Variants in FOLH1 observed in about 807,000 individuals in gnomAD.
The protein encoded by FOLH1 is folate hydrolase 1, also known as glutamate carboxypeptidase 2.
FOLH1 carries 54 observed loss-of-function variants against 93.9 expected under a neutral mutation model. The ratio of observed to expected loss-of-function variants is 0.57; its 90% CI spans 0.46 to 0.72. FOLH1 has a LOEUF of 0.72. Among genes scored for constraint, FOLH1 ranks in the 30% least tolerant of loss-of-function variants. The pLI, the probability that FOLH1 is intolerant of heterozygous loss-of-function variation, is 0.00. For synonymous variants in FOLH1, 249 were observed against 303.6 expected, an observed-to-expected ratio of 0.82 and a Z score of 1.87; for missense variants, 571 against 892.5, an observed-to-expected ratio of 0.64 and a Z score of 4.59.
chr11:49,203,149 A>G (rs559299215), intron 2 of FOLH1, among the ~76,000 whole-genome samples: 14 of 152,010 alleles, frequency 9.2e-5, no homozygotes, highest in African/African-American at 3.4e-4. Flanking sequence ...TCAAATACAG[A>G]CCTATGTATT....
At chr11:49,157,873 A>G in intron 14 of FOLH1, 79 bp downstream of exon 14, 1 of 1,335,752 alleles carries the variant, frequency 7.5e-7, no homozygotes, top group Non-Finnish European at 1.0e-6. Context: ...TTTTTCACTT[A>G]ATGATTGAAA....
chr11:49,207,862 G>A (rs1864143235), intron 1 of FOLH1: 1 of 458,938 alleles, frequency 2.2e-6, no homozygotes, highest in South Asian at 1.5e-5. Context: ...TGTCCAGATT[G>A]CTGACCTGGT....
In FOLH1 at chr11:49,192,845, A is replaced by C; in HGVS notation, c.461T>G (p.Val154Gly). Residue 154 changes from valine (V) to glycine (G), a missense_variant, in exon 4 of 19, where the codon GTT becomes GGT. Val to Gly is a moderately radical substitution (Grantham distance 109). Coordinates refer to ENST00000256999, the MANE Select transcript of FOLH1 (RefSeq NM_004476.3). The stretch of plus-strand genomic sequence containing the variant: ...ACTGAAAGGTGGTACAATATCCGAA[A>C]CATTTTCATATCCTGGAGGAGGTGG... ...FEPPPPGYEN[V>G]SDIVPPFSAF... 1 of 1,608,014 alleles carries C rather than the reference A, an allele frequency of 6.2e-7. No homozygotes were observed. Among genetic ancestry groups the C allele is most frequent in the East Asian group, 2.2e-5 (1 of 44,572 alleles).
At chr11:49,164,463 T>C (rs1276637861) in intron 13 of FOLH1, among the ~76,000 whole-genome samples, 2 of 152,176 alleles carry the variant, frequency 1.3e-5, no homozygotes, top group Non-Finnish European at 2.9e-5. Flanking sequence ...GTTTCACTGT[T>C]TTAAGAATGG....
In FOLH1 at chr11:49,154,323, C is replaced by T. The variant is rs774991864; in HGVS notation, c.1793G>A (p.Arg598Gln). ...CTTTCTTAAAACTACAGCATAATCT[C>T]GACAATCAAAAGGGAGCACTATGGA... Reference protein sequence around the residue: ...ANSIVLPFDCRDYAVVLRKYA... With the variant: ...ANSIVLPFDCQDYAVVLRKYA... Residue 598 changes from arginine to glutamine, a missense_variant, in exon 16 of 19, where the codon CGA becomes CAA. Around this residue, in one of 2 missense-constraint regions of FOLH1, gnomAD observed 500 missense variants for 822.9 expected, o/e 0.61. Coordinates refer to ENST00000256999, the MANE Select transcript of FOLH1 (RefSeq NM_004476.3). 8.1e-6 allele frequency: 13 copies of T among 1,613,236 alleles called. No individual in the cohort carries two copies. Among genetic ancestry groups the T allele is most frequent in the African/African-American group, 2.7e-5 (2 of 74,848 alleles).
intron 15 of FOLH1, among the ~76,000 whole-genome samples, chr11:49,155,837 A>ATATATAG (rs1390925070): frequency 1.7e-4 from 7 of 41,304 alleles, no homozygotes; most frequent in Non-Finnish European, 3.4e-4. Flanking sequence ...TATATATATA[A>ATATATAG]TCAACAACAA....
chr11:49,169,733 C>T (rs1390654644), intron 11 of FOLH1, among the ~76,000 whole-genome samples: 2 of 152,258 alleles, frequency 1.3e-5, no homozygotes, highest in Admixed American at 1.3e-4. Flanking sequence ...CTTAAATCAT[C>T]TCCTGACCAG....
chr11:49,186,609 G>T, intron 5 of FOLH1, 35 bp downstream of exon 5: 1 of 1,590,500 alleles, frequency 6.3e-7, no homozygotes, highest in South Asian at 1.2e-5. Flanking sequence ...TTTTTACATT[G>T]GGGGAGAGAA....
rs149683151 is a variant in FOLH1 at position 49,154,806 on chromosome 11, A to T, written c.1624-314T>A. Among the ~76,000 whole-genome samples the T allele has an allele frequency of 9.5e-4, 145 of 152,274 alleles. 2 individuals are homozygous for T. The East Asian group carries it at 0.025, about 27-fold the overall frequency. On this transcript the variant is annotated intron_variant, in intron 15 of 18. Transcript: ENST00000256999. ...TCATGTTTTAAGAATCTGAAAAAAA[A>T]GACAAGACAATCTTGCATTTGGATA... is the stretch of plus-strand genomic sequence containing the variant.
Position 49,148,724 on chromosome 11 carries a change from C to T in FOLH1, c.1978G>A (p.Val660Ile). Residue 660 changes from valine (V) to isoleucine (I), a missense_variant, in exon 18 of 19, where the codon GTA becomes ATA. Physicochemically the swap from Val to Ile is conservative, Grantham distance 29. Around this residue, in one of 2 missense-constraint regions of FOLH1, gnomAD observed 500 missense variants for 822.9 expected, o/e 0.61. Coordinates refer to ENST00000256999, the MANE Select transcript of FOLH1 (RefSeq NM_004476.3). The part of the protein sequence containing the change: ...LQDFDKSNPI[V>I]LRMMNDQLMF... The stretch of plus-strand genomic sequence containing the variant: ...AGTTGATCATTCATCATTCTTAATA[C>T]TATTGGGCTGAGAAAGAAAATGAAT... 6.3e-7 allele frequency: 1 copy of T among 1,583,802 alleles called. No individual in the cohort carries two copies. Among genetic ancestry groups the T allele is most frequent in the Non-Finnish European group, 8.6e-7 (1 of 1,168,254 alleles).
chr11:49,153,433 C>T (rs1173966055), intron 17 of FOLH1, among the ~76,000 whole-genome samples: 2 of 151,268 alleles, frequency 1.3e-5, no homozygotes, highest in Non-Finnish European at 2.9e-5. Context: ...TGTACAGATA[C>T]TGAAAAAGCA....
At chr11:49,178,382 T>C (rs891872209) in intron 7 of FOLH1, among the ~76,000 whole-genome samples, 1 of 152,226 alleles carries the variant, frequency 6.6e-6, no homozygotes, top group African/African-American at 2.4e-5. Flanking sequence ...TATAAATCCT[T>C]TTGAATTGTG....
At chr11:49,181,343 C>A (rs1860707902) in intron 7 of FOLH1, among the ~76,000 whole-genome samples, 1 of 151,954 alleles carries the variant, frequency 6.6e-6, no homozygotes, top group Non-Finnish European at 1.5e-5. Flanking sequence ...ATCTCTTGAC[C>A]TCATGATCTG....
intron 17 of FOLH1, among the ~76,000 whole-genome samples, chr11:49,151,253 A>G (rs2134864278): frequency 6.6e-6 from 1 of 152,360 alleles, no homozygotes; most frequent in African/African-American, 2.4e-5. Context: ...GGTAAATGAA[A>G]CACAGAATAC....
chr11:49,181,227 C>T (rs939889753), intron 7 of FOLH1, among the ~76,000 whole-genome samples: 23 of 151,746 alleles, frequency 1.5e-4, no homozygotes, highest in Admixed American at 1.2e-3. Context: ...CCTGCCTCAG[C>T]CTCCTGAGTA....
At chr11:49,173,298 A>G in intron 10 of FOLH1, 59 bp downstream of exon 10, 1 of 1,546,706 alleles carries the variant, frequency 6.5e-7, no homozygotes, top group South Asian at 1.3e-5. Flanking sequence ...CTCCCTTTAC[A>G]GAAGACTAAA....
chr11:49,155,795 C>CAAATATATATAT (rs1856941252), intron 15 of FOLH1, among the ~76,000 whole-genome samples: 1 of 52,130 alleles, frequency 1.9e-5, no homozygotes, highest in Non-Finnish European at 4.6e-5. Context: ...AAATGAAAAC[C>CAAATATATATAT]ATATATATAT....
chr11:49,190,207 T>C (rs1695748708), intron 4 of FOLH1, among the ~76,000 whole-genome samples: 1 of 152,216 alleles, frequency 6.6e-6, no homozygotes. Context: ...TGTGGCTGTC[T>C]TTTGATATAT....
intron 7 of FOLH1, among the ~76,000 whole-genome samples, chr11:49,180,093 A>G (rs1860545666): frequency 6.6e-6 from 1 of 152,224 alleles, no homozygotes; most frequent in African/African-American, 2.4e-5. Flanking sequence ...AGTGTTTACC[A>G]AAGTGTCTTT....
Sources: allele counts gnomAD v4.1 joint callset (sites outside exome capture counted in the v4.1 genomes callset), GRCh38; gene constraint gnomAD v4.1.1; regional missense constraint gnomAD v4.1.1; transcripts MANE v1.5; gene names NCBI Gene and HGNC (gene_info 2026-07-23, HGNC 2026-07-21).